The following VPS13C variants were observed in gnomAD, a reference collection of about 807,000 sequenced individuals.
VPS13C encodes vacuolar protein sorting 13 homolog C, also known as intermembrane lipid transfer protein VPS13C.
Under a neutral mutation model 456.8 loss-of-function variants are expected in VPS13C, and 358 were observed. The observed-to-expected ratio is 0.78, with a 90% CI of 0.72 to 0.86. VPS13C has a LOEUF of 0.86. Among genes scored for constraint, VPS13C ranks in the 40% least tolerant of loss-of-function variants. The pLI is 0.00. For synonymous variants in VPS13C, 1,578 were observed against 1,486.7 expected, an observed-to-expected ratio of 1.06 and a Z score of -1.41; for missense variants, 4,818 against 4,385.4, an observed-to-expected ratio of 1.10 and a Z score of -2.79.
chr15:61,962,471 C>T lies in VPS13C; in HGVS notation c.3503G>A (p.Gly1168Glu). The change falls in exon 34 of 85, where the codon GGG becomes GAG. Residue 1168 changes from glycine (G) to glutamate (E), a missense_variant. Gly to Glu is a moderately conservative substitution (Grantham distance 98). Around this residue, in one of 3 missense-constraint regions of VPS13C, gnomAD observed 4,552 missense variants for 4,130.6 expected, o/e 1.10. Coordinates refer to ENST00000644861, the MANE Select transcript of VPS13C (RefSeq NM_020821.3). ...TTTGGACATGTCAGTATACAAATCC[C>T]CCTCAGTAGCATCTGGATACAAATC... is the stretch of plus-strand genomic sequence containing the variant. ...NLDLYPDATE[G>E]DLYTDMSKVD... The T allele has an allele frequency of 6.2e-7, 1 of 1,611,630 alleles. No homozygotes were observed. The highest frequency in any genetic ancestry group is 8.5e-7 in the Non-Finnish European group (1 of 1,178,568).
At chr15:61,859,635 C>A (rs965979225) in intron 82 of VPS13C, among the ~76,000 whole-genome samples, 3 of 152,144 alleles carry the variant, frequency 2.0e-5, no homozygotes, top group African/African-American at 7.2e-5. Context: ...GCCTCCCTGA[C>A]ACTTTTCCCA....
At chr15:62,012,933 A>C (rs2047097494) in intron 11 of VPS13C, 106 bp downstream of exon 11, 1 of 611,690 alleles carries the variant, frequency 1.6e-6, no homozygotes, top group African/African-American at 1.9e-5. Context: ...AGTGAAATAC[A>C]AGTTAAACAA....
chr15:61,872,135 CA>C (rs1184695577), intron 78 of VPS13C, 101 bp from the exon 79 acceptor site: 1 of 919,706 alleles, frequency 1.1e-6, no homozygotes, highest in East Asian at 2.5e-5. Flanking sequence ...ATAACAACAA[CA>C]ACAACAAAAA....
intron 82 of VPS13C, chr15:61,856,687 C>CTTTTTTTTTTTTTT (rs542779595): frequency 1.2e-4 from 14 of 114,820 alleles, no homozygotes; most frequent in Non-Finnish European, 1.6e-4. Flanking sequence ...TTTTTCTTTT[C>CTTTTTTTTTTTTTT]TTTTTTTTTT....
intron 75 of VPS13C, 126 bp downstream of exon 75, chr15:61,876,847 A>G (rs986634497): frequency 5.4e-5 from 34 of 624,000 alleles, no homozygotes; most frequent in Admixed American, 5.3e-4. Flanking sequence ...GAAGAAAGCC[A>G]CTAAATACGG....
intron 83 of VPS13C, among the ~76,000 whole-genome samples, chr15:61,855,431 A>C (rs1297901460): frequency 6.6e-6 from 1 of 152,208 alleles, no homozygotes; most frequent in Non-Finnish European, 1.5e-5. Flanking sequence ...TCATACATCA[A>C]AACATTCCTT....
rs769513569 is a variant in VPS13C at position 62,023,535 on chromosome 15, A to G, written c.515-15T>C. The G allele has an allele frequency of 3.9e-6, 6 of 1,534,306 alleles. No individual in the cohort carries two copies. Among genetic ancestry groups the G allele is most frequent in the Non-Finnish European group, 5.3e-6 (6 of 1,138,394 alleles). On this transcript the variant is annotated splice_polypyrimidine_tract_variant and intron_variant, in intron 7 of 84. Coordinates refer to ENST00000644861, the MANE Select transcript of VPS13C (RefSeq NM_020821.3). The stretch of plus-strand genomic sequence containing the variant: ...TTTTGGCTTATCTATTAAAAAATAG[A>G]AAAATACAAGCTCAAGAGTTGAAAT...
intron 1 of VPS13C, among the ~76,000 whole-genome samples, chr15:62,045,457 GAA>G (rs2048367748): frequency 6.6e-6 from 1 of 152,098 alleles, no homozygotes; most frequent in African/African-American, 2.4e-5. Flanking sequence ...GGGTGGATAA[GAA>G]AAGAGGGCAA....
intron 34 of VPS13C, 152 bp from the exon 35 acceptor site, chr15:61,962,045 G>A (rs1157985177): frequency 1.6e-5 from 15 of 934,024 alleles, no homozygotes; most frequent in Middle Eastern, 2.7e-4. Context: ...AAGAAATTAC[G>A]GATAATCCAT....
Position 62,008,758 on chromosome 15 carries a change from A to G in VPS13C, c.1015T>C (p.Leu339=), listed in dbSNP as rs781371257. 1 of 1,562,252 alleles carries G rather than the reference A, an allele frequency of 6.4e-7. No individual in the cohort carries two copies. Among genetic ancestry groups the G allele is most frequent in the Non-Finnish European group, 8.7e-7 (1 of 1,150,960 alleles). ...IAIELTKPQY[L]SMIDLLESVD... is the part of the protein sequence containing the mutation. Reference sequence around the variant, plus strand: ...GACTCCAAAAGGTCAATCATACTTAAGTACTGTTAAAACAAAAATAAAATT... The same window carrying G: ...GACTCCAAAAGGTCAATCATACTTAGGTACTGTTAAAACAAAAATAAAATT... The change falls in exon 14 of 85, where the codon TTA becomes CTA. Residue 339 remains leucine (L), a synonymous_variant. Transcript: ENST00000644861.
chr15:61,907,427 T>C lies in VPS13C; in HGVS notation c.8979-37A>G, dbSNP rs778031808. Reference sequence around the variant, plus strand: ...TGAACAGAGAGAAAATCAGAATATCTTGGAGATAAGAAACCCAAACCTGTA... The same window carrying C: ...TGAACAGAGAGAAAATCAGAATATCCTGGAGATAAGAAACCCAAACCTGTA... On this transcript the variant is annotated intron_variant, in intron 65 of 84. Transcript: ENST00000644861. 4 of 1,604,342 alleles carry C rather than the reference T, an allele frequency of 2.5e-6. No individual in the cohort carries two copies. In the Admixed American group the frequency reaches 5.1e-5, roughly 20 times the overall value.
At position 61,909,837 on chromosome 15, in the gene VPS13C, C is replaced by A. The variant is rs571783810; in HGVS notation, c.8844+340G>T. On this transcript the variant is annotated intron_variant, in intron 64 of 84. Transcript: ENST00000644861. The stretch of plus-strand genomic sequence containing the variant: ...TCCAAGTCTTTGCTATTGTGAATAG[C>A]GCCGCTGGAAACCATCATTCTCAGC... Among the ~76,000 whole-genome samples the A allele has an allele frequency of 1.4e-4, 21 of 151,994 alleles. No individual in the cohort carries two copies. In the South Asian group the frequency reaches 4.1e-3, roughly 30 times the overall value.
intron 73 of VPS13C, 30 bp downstream of exon 73, chr15:61,880,579 T>A: frequency 6.8e-7 from 1 of 1,460,428 alleles, no homozygotes; most frequent in Non-Finnish European, 9.3e-7. Flanking sequence ...ATAATTTCAC[T>A]AAATTTTCAA....
intron 45 of VPS13C, among the ~76,000 whole-genome samples, chr15:61,943,309 A>G (rs1244598009): frequency 6.6e-6 from 1 of 152,290 alleles, no homozygotes; most frequent in South Asian, 2.1e-4. Flanking sequence ...CCAAATAACC[A>G]AAGCAATCCC....
intron 4 of VPS13C, 25 bp downstream of exon 4, chr15:62,034,932 A>C: frequency 6.7e-7 from 1 of 1,483,350 alleles, no homozygotes; most frequent in Non-Finnish European, 9.2e-7. Context: ...ATGTTATTGA[A>C]TGGTTATAAC....
intron 53 of VPS13C, among the ~76,000 whole-genome samples, chr15:61,924,573 T>C (rs1297763406): frequency 1.3e-5 from 2 of 152,360 alleles, no homozygotes; most frequent in East Asian, 1.9e-4. Context: ...GCACCTAACC[T>C]AGTGCTTTAA....
intron 6 of VPS13C, among the ~76,000 whole-genome samples, chr15:62,026,077 G>C (rs1038617660): frequency 2.0e-5 from 3 of 148,654 alleles, no homozygotes; most frequent in Non-Finnish European, 4.5e-5. Flanking sequence ...GAGATATGTT[G>C]TTTTAATTGA....
chr15:61,855,705 G>A (rs915099388), intron 83 of VPS13C, among the ~76,000 whole-genome samples: 1 of 151,914 alleles, frequency 6.6e-6, no homozygotes, highest in African/African-American at 2.4e-5. Context: ...TAAAGAAATT[G>A]CCATATTTAG....
At chr15:62,057,895 T>C (rs1458220937) in intron 1 of VPS13C, among the ~76,000 whole-genome samples, 7 of 152,336 alleles carry the variant, frequency 4.6e-5, no homozygotes, top group Admixed American at 4.6e-4. Flanking sequence ...CGATGTTACC[T>C]AGTCCAACCT....
Sources: gnomAD v4.1 joint callset for allele counts (sites outside exome capture counted in the v4.1 genomes callset) on GRCh38, gnomAD v4.1.1 for gene constraint, gnomAD v4.1.1 regional missense constraint, MANE v1.5 for transcripts, NCBI Gene and HGNC (gene_info 2026-07-23, HGNC 2026-07-21) for gene names.